Variants in ARHGAP39 observed in about 807,000 individuals in gnomAD.
ARHGAP39 encodes Rho GTPase activating protein 39, also known as rho GTPase-activating protein 39.
In ARHGAP39, 44 loss-of-function variants were observed where a neutral mutation model predicts 106.9. The observed-to-expected ratio is 0.41, with a 90% CI of 0.32 to 0.53. ARHGAP39 has a LOEUF of 0.53. Among genes scored for constraint, ARHGAP39 ranks in the 20% least tolerant of loss-of-function variants. The pLI is 0.21. For missense variants in ARHGAP39, 1,496 were observed against 1,577.3 expected, an observed-to-expected ratio of 0.95 and a Z score of 0.87; for synonymous variants, 768 against 693.2, an observed-to-expected ratio of 1.11 and a Z score of -1.69.
At chr8:144,628,022 G>A (rs1052770442) in intron 1 of ARHGAP39, among the ~76,000 whole-genome samples, 34 of 152,230 alleles carry the variant, frequency 2.2e-4, no homozygotes, top group African/African-American at 7.2e-4. Flanking sequence ...GTGTTCCCCA[G>A]GAGGCTGGCA....
chr8:144,532,768 G>A (rs1172256064), intron 9 of ARHGAP39, among the ~76,000 whole-genome samples: 1 of 152,172 alleles, frequency 6.6e-6, no homozygotes, highest in Admixed American at 6.5e-5. Flanking sequence ...CATGGGAGTG[G>A]GTGGCACCCT....
chr8:144,670,168 C>T lies in ARHGAP39; in HGVS notation c.-82+15518G>A, dbSNP rs1408702152. Among the ~76,000 whole-genome samples, 1 of 152,178 alleles carries T rather than the reference C, an allele frequency of 6.6e-6. No individual in the cohort carries two copies. Among genetic ancestry groups the T allele is most frequent in the Admixed American group, 6.5e-5 (1 of 15,270 alleles). On this transcript the variant is annotated intron_variant, in intron 1 of 11. Coordinates refer to ENST00000377307, the MANE Select transcript of ARHGAP39 (RefSeq NM_025251.3). The surrounding 1 kb of genome is among the most constrained non-coding windows in gnomAD (Gnocchi z 4.4). The stretch of plus-strand genomic sequence containing the variant: ...AGCGTACCGGGAAGCAGGATCAGGG[C>T]CTGGGACCAGGCGGCTGTAAAAAGC...
At chr8:144,675,974 G>A (rs1822226470) in intron 1 of ARHGAP39, among the ~76,000 whole-genome samples, 1 of 152,130 alleles carries the variant, frequency 6.6e-6, no homozygotes, top group Admixed American at 6.5e-5. Flanking sequence ...GTCAGGAGTT[G>A]TTCTTCCCTC....
chr8:144,541,592 G>A (rs183406109), intron 6 of ARHGAP39, among the ~76,000 whole-genome samples: 1 of 152,310 alleles, frequency 6.6e-6, no homozygotes, highest in Admixed American at 6.5e-5. Flanking sequence ...GACTGCTCTA[G>A]GGCCTCACGG....
At chr8:144,629,878 T>C (rs1421723453) in intron 1 of ARHGAP39, among the ~76,000 whole-genome samples, 1 of 151,850 alleles carries the variant, frequency 6.6e-6, no homozygotes, top group African/African-American at 2.4e-5. Flanking sequence ...TGGGGGCACA[T>C]CCTGAGGGAT....
At chr8:144,648,975 T>TA (rs999929980) in intron 1 of ARHGAP39, among the ~76,000 whole-genome samples, 40 of 151,268 alleles carry the variant, frequency 2.6e-4, no homozygotes, top group Admixed American at 1.2e-3. Flanking sequence ...ATCCCAAAGC[T>TA]AAAAAAAGAC....
At chr8:144,685,939 T>G (rs1465231424), upstream of ARHGAP39, among the ~76,000 whole-genome samples, 1 of 150,538 alleles carries the variant, frequency 6.6e-6, no homozygotes, top group Non-Finnish European at 1.5e-5. Flanking sequence ...GGGCACTGCC[T>G]CGCGAGGCCG....
intron 1 of ARHGAP39, among the ~76,000 whole-genome samples, chr8:144,667,946 C>G (rs1822005457): frequency 6.6e-6 from 1 of 152,118 alleles, no homozygotes; most frequent in South Asian, 2.1e-4. Flanking sequence ...ACGGCTTCTT[C>G]TGACAAAGCA....
At chr8:144,575,512 C>T (rs866662371) in intron 3 of ARHGAP39, among the ~76,000 whole-genome samples, 1 of 152,044 alleles carries the variant, frequency 6.6e-6, no homozygotes, top group Non-Finnish European at 1.5e-5. Flanking sequence ...CACACACTAG[C>T]CTAGGCCTAC....
intron 3 of ARHGAP39, among the ~76,000 whole-genome samples, chr8:144,558,093 C>T (rs1818013138): frequency 6.6e-6 from 1 of 152,120 alleles, no homozygotes; most frequent in South Asian, 2.1e-4. Flanking sequence ...ATTAAAGCAA[C>T]AGTAACAACA....
At chr8:144,633,820 C>T (rs563168783) in intron 1 of ARHGAP39, among the ~76,000 whole-genome samples, 11 of 152,316 alleles carry the variant, frequency 7.2e-5, no homozygotes, top group African/African-American at 2.2e-4. Flanking sequence ...AGGACTACAG[C>T]GCGTACCACC....
intron 2 of ARHGAP39, among the ~76,000 whole-genome samples, chr8:144,602,808 A>G (rs1225334022): frequency 1.4e-5 from 1 of 72,352 alleles, no homozygotes; most frequent in African/African-American, 5.8e-5. Context: ...ATGTGCATGG[A>G]GGCGTGTGTG....
Position 144,586,902 on chromosome 8 carries a change from A to G in ARHGAP39, c.81-5625T>C, listed in dbSNP as rs1377609532. On this transcript the variant is annotated intron_variant, in intron 2 of 11. Transcript: ENST00000377307. This position sits in a 1 kb window ranked among gnomAD's most constrained non-coding sequence, Gnocchi z 4.2. ...ATGGTTTGGCTGTGTCCCCACCCAA[A>G]TCTCCTCCTGAGTTGTAGTTCCCAC... is the stretch of plus-strand genomic sequence containing the variant. Among the ~76,000 whole-genome samples the G allele has an allele frequency of 6.6e-6, 1 of 152,066 alleles. No homozygotes were observed. Among genetic ancestry groups the G allele is most frequent in the African/African-American group, 2.4e-5 (1 of 41,402 alleles).
chr8:144,559,509 A>G (rs769598524), intron 3 of ARHGAP39, among the ~76,000 whole-genome samples: 1 of 152,210 alleles, frequency 6.6e-6, no homozygotes, highest in Non-Finnish European at 1.5e-5. Context: ...TGTACACAGC[A>G]AGTAGGCTGG....
At chr8:144,651,500 T>A (rs2129648098) in intron 1 of ARHGAP39, among the ~76,000 whole-genome samples, 1 of 152,212 alleles carries the variant, frequency 6.6e-6, no homozygotes, top group East Asian at 1.9e-4. Flanking sequence ...GTCGGGAGTT[T>A]GTGACTAGCC....
chr8:144,620,707 C>T lies in ARHGAP39; in HGVS notation c.-81-15012G>A, dbSNP rs183731021. Among the ~76,000 whole-genome samples the T allele has an allele frequency of 2.1e-4, 32 of 152,360 alleles. No homozygotes were observed. In the East Asian group the frequency reaches 2.7e-3, roughly 13 times the overall value. On this transcript the variant is annotated intron_variant, in intron 1 of 11. Coordinates refer to ENST00000377307, the MANE Select transcript of ARHGAP39 (RefSeq NM_025251.3). The stretch of plus-strand genomic sequence containing the variant: ...CTCCAAACCCAATTCAGGTCCAGAC[C>T]GCCCTCTCTGACCCCTGACCCAGTG...
At chr8:144,686,909 CG>C, upstream of ARHGAP39, among the ~76,000 whole-genome samples, 1 of 135,386 alleles carries the variant, frequency 7.4e-6, no homozygotes, top group African/African-American at 2.8e-5. Flanking sequence ...TTCCCACCCC[CG>C]TGACCACACA....
intron 1 of ARHGAP39, among the ~76,000 whole-genome samples, chr8:144,680,689 T>C (rs545617298): frequency 6.6e-6 from 1 of 152,186 alleles, no homozygotes; most frequent in South Asian, 2.1e-4. Context: ...CTAAATATTA[T>C]GGTTTTCCCA....
intron 4 of ARHGAP39, among the ~76,000 whole-genome samples, chr8:144,550,486 T>C (rs116539001): frequency 0.02 from 2,983 of 152,336 alleles, 66 homozygotes; most frequent in Admixed American, 0.064. Context: ...TATAAGCCAG[T>C]TGTGTCCCTC....
Sources: gnomAD v4.1 joint callset for allele counts (sites outside exome capture counted in the v4.1 genomes callset) on GRCh38, gnomAD v4.1.1 for gene constraint, Gnocchi (gnomAD v3.1) non-coding constraint, MANE v1.5 for transcripts, NCBI Gene and HGNC (gene_info 2026-07-23, HGNC 2026-07-21) for gene names.